Variants in PRKN observed in about 807,000 individuals in gnomAD.
The protein encoded by PRKN is E3 ubiquitin-protein ligase parkin.
PRKN carries 56 observed loss-of-function variants against 59.5 expected under a neutral mutation model. The observed-to-expected ratio is 0.94, with a 90% confidence interval of 0.76 to 1.18. The LOEUF is 1.18. PRKN is among the 50% of genes most tolerant of loss of function. The pLI is 0.00. For missense variants in PRKN, 657 were observed against 596.4 expected (o/e 1.10, Z -1.06); for synonymous variants, 250 against 222.1 (o/e 1.13, Z -1.12).
chr6:161,508,174 G>GGT (rs1562493525), intron 9 of PRKN, among the ~76,000 whole-genome samples: 2 of 152,260 alleles, frequency 1.3e-5, no homozygotes, highest in Admixed American at 6.5e-5. Flanking sequence ...TGAGATTCCA[G>GGT]GTGTTAATTC....
chr6:161,680,771 A>ATTTTTT (rs1174510072), intron 7 of PRKN, among the ~76,000 whole-genome samples: 10 of 18,054 alleles, frequency 5.5e-4, no homozygotes, highest in Admixed American at 8.1e-4. Flanking sequence ...ATATATATAT[A>ATTTTTT]TATATTTTTT....
At chr6:162,282,838 T>A (rs1389920339) in intron 2 of PRKN, among the ~76,000 whole-genome samples, 1 of 152,172 alleles carries the variant, frequency 6.6e-6, no homozygotes, top group African/African-American at 2.4e-5. Flanking sequence ...AGAATGGGAT[T>A]AAGTGATGGA....
chr6:162,653,054 AG>A (rs1453486398), intron 1 of PRKN, among the ~76,000 whole-genome samples: 3 of 151,956 alleles, frequency 2.0e-5, no homozygotes, highest in Non-Finnish European at 2.9e-5. Flanking sequence ...AATGATTTGA[AG>A]ATATTTTATT....
chr6:161,528,070 T>C (rs1779077435), intron 9 of PRKN, among the ~76,000 whole-genome samples: 1 of 152,200 alleles, frequency 6.6e-6, no homozygotes, highest in Non-Finnish European at 1.5e-5. Context: ...AACATATATT[T>C]GTGGGACAGA....
intron 3 of PRKN, among the ~76,000 whole-genome samples, chr6:162,242,209 G>A (rs1779015540): frequency 6.6e-6 from 1 of 152,090 alleles, no homozygotes; most frequent in African/African-American, 2.4e-5. Flanking sequence ...TGCACACACT[G>A]GGTGACCTCA....
chr6:161,647,850 TAAAAC>T (rs25622), intron 7 of PRKN, among the ~76,000 whole-genome samples: 75,482 of 151,592 alleles, frequency 0.5, 21,675 homozygotes, highest in African/African-American at 0.81. Context: ...GATAATTTAT[TAAAAC>T]AAAATAAGAG....
chr6:161,885,664 C>CAAA (rs57209835), intron 6 of PRKN, among the ~76,000 whole-genome samples: 1 of 114,220 alleles, frequency 8.8e-6, no homozygotes, highest in Non-Finnish European at 1.9e-5. Flanking sequence ...GACTCTGTCT[C>CAAA]AAAAAAAAAA....
Position 161,548,897 on chromosome 6 carries a change from T to C in PRKN, c.1040A>G (p.Gln347Arg), listed in dbSNP as rs1779890403. 1.9e-6 allele frequency: 3 copies of C among 1,614,156 alleles called. No homozygotes were observed. Among genetic ancestry groups the C allele is most frequent in the Non-Finnish European group, 2.5e-6 (3 of 1,180,026 alleles). Residue 347 changes from glutamine (Q) to arginine (R), a missense_variant, in exon 9 of 12, where the codon CAG (glutamine) becomes CGG (arginine). Transcript: ENST00000366898. This position sits in a 1 kb window ranked among gnomAD's most constrained non-coding sequence, Gnocchi z 4.2. ...CGAGLLPEPDQRKVTCEGGNG... is the reference protein window; with the variant it reads ...CGAGLLPEPDRRKVTCEGGNG... ...GCCCCCTTCGCAGGTGACTTTCCTC[T>C]GGTCAGGCTCCGGCAGCAGCCCCGC...
chr6:162,496,474 G>A (rs979895066), intron 1 of PRKN, among the ~76,000 whole-genome samples: 8 of 151,888 alleles, frequency 5.3e-5, no homozygotes, highest in Admixed American at 2.0e-4. Flanking sequence ...CTTCTTACAT[G>A]GAAAAAAAGT....
intron 1 of PRKN, among the ~76,000 whole-genome samples, chr6:162,594,901 G>A (rs866599219): frequency 1.6e-4 from 25 of 152,236 alleles, no homozygotes; most frequent in Admixed American, 1.0e-3. Flanking sequence ...TGAGCTGGGC[G>A]CGGTGGCTCA....
At chr6:162,118,724 C>G (rs1780780565) in intron 4 of PRKN, among the ~76,000 whole-genome samples, 1 of 152,098 alleles carries the variant, frequency 6.6e-6, no homozygotes, top group Non-Finnish European at 1.5e-5. Context: ...TATAAGGTAA[C>G]CAGTGCATTA....
At chr6:161,878,016 C>T (rs1317483287) in intron 6 of PRKN, among the ~76,000 whole-genome samples, 1 of 152,104 alleles carries the variant, frequency 6.6e-6, no homozygotes, top group Non-Finnish European at 1.5e-5. Flanking sequence ...TGGAGGTGTT[C>T]TCTTGAAGGG....
chr6:162,282,271 T>G (rs1780941674), intron 2 of PRKN, among the ~76,000 whole-genome samples: 1 of 151,934 alleles, frequency 6.6e-6, no homozygotes, highest in African/African-American at 2.4e-5. Context: ...ACAACAAAGA[T>G]CCTGTCCATA....
In PRKN at chr6:161,451,353, T is replaced by C. The variant is rs1270900375; in HGVS notation, c.1084-64476A>G. On this transcript the variant is annotated intron_variant, in intron 9 of 11. Transcript: ENST00000366898. The surrounding 1 kb of genome is among the most constrained non-coding windows in gnomAD (Gnocchi z 5.9). ...ACATTGTCTTCTGTCAGCTCCCTCT[T>C]GATTTTGGGACCAAGCATTGAATAT... 6.6e-6 allele frequency among the ~76,000 whole-genome samples: 1 copy of C among 152,206 alleles called. No individual in the cohort carries two copies. Among genetic ancestry groups the C allele is most frequent in the Admixed American group, 6.5e-5 (1 of 15,284 alleles).
At chr6:161,907,083 A>C (rs1028942917) in intron 6 of PRKN, among the ~76,000 whole-genome samples, 4 of 152,142 alleles carry the variant, frequency 2.6e-5, no homozygotes, top group Non-Finnish European at 5.9e-5. Context: ...CAGTCCAATC[A>C]AGTTGACACT....
intron 2 of PRKN, among the ~76,000 whole-genome samples, chr6:162,315,168 G>A (rs987842755): frequency 1.3e-5 from 2 of 151,944 alleles, no homozygotes; most frequent in Non-Finnish European, 2.9e-5. Context: ...GTGTATAATT[G>A]TTCTCTGTTG....
intron 9 of PRKN, among the ~76,000 whole-genome samples, chr6:161,491,699 T>C (rs921476252): frequency 1.3e-5 from 2 of 151,996 alleles, no homozygotes; most frequent in Non-Finnish European, 2.9e-5. Flanking sequence ...GGCGCGATCT[T>C]GGCTCACTGG....
intron 5 of PRKN, among the ~76,000 whole-genome samples, chr6:162,029,640 C>A (rs1266344592): frequency 6.6e-6 from 1 of 152,192 alleles, no homozygotes; most frequent in Non-Finnish European, 1.5e-5. Flanking sequence ...TTGCCTCATC[C>A]TTTATTCTCA....
In PRKN at chr6:161,548,905, C is replaced by G; in HGVS notation, c.1032G>C (p.Glu344Asp). The change falls in exon 9 of 12, where the codon GAG becomes GAC. Residue 344 changes from glutamate to aspartate, a missense_variant. Physicochemically the swap from Glu to Asp is conservative, Grantham distance 45. Transcript: ENST00000366898. The surrounding 1 kb of genome is among the most constrained non-coding windows in gnomAD (Gnocchi z 4.2). ...CGCAGGTGACTTTCCTCTGGTCAGGCTCCGGCAGCAGCCCCGCTCCACAGC... is the reference window on the plus strand; with the variant it reads ...CGCAGGTGACTTTCCTCTGGTCAGGGTCCGGCAGCAGCCCCGCTCCACAGC... ...RPGCGAGLLPEPDQRKVTCEG... is the reference protein window; with the variant it reads ...RPGCGAGLLPDPDQRKVTCEG... 6.2e-7 allele frequency: 1 copy of G among 1,614,184 alleles called. No homozygotes were observed. The highest frequency in any genetic ancestry group is 8.5e-7 in the Non-Finnish European group (1 of 1,180,022).
Sources: gnomAD v4.1 joint callset for allele counts (sites outside exome capture counted in the v4.1 genomes callset) on GRCh38, gnomAD v4.1.1 for gene constraint, Gnocchi (gnomAD v3.1) non-coding constraint, MANE v1.5 for transcripts, NCBI Gene and HGNC (gene_info 2026-07-23, HGNC 2026-07-21) for gene names.